Variants in SPOCK3 observed in about 807,000 individuals in gnomAD.
SPOCK3 encodes SPARC (osteonectin), cwcv and kazal like domains proteoglycan 3, also known as testican-3.
Under a neutral mutation model 56.6 loss-of-function variants are expected in SPOCK3, and 30 were observed. The ratio of observed to expected loss-of-function variants is 0.53; its 90% CI spans 0.40 to 0.72. The LOEUF (loss-of-function observed/expected upper bound fraction) is 0.72, where lower values mean the gene tolerates loss of function less well. Among genes scored for constraint, SPOCK3 ranks in the 30% least tolerant of loss-of-function variants. The pLI is 0.00. For synonymous variants in SPOCK3, 196 were observed against 183.3 expected, an observed-to-expected ratio of 1.07 and a Z score of -0.56; for missense variants, 527 against 530.0, an observed-to-expected ratio of 0.99 and a Z score of 0.06.
chr4:166,966,483 C>T (rs1011627897), intron 4 of SPOCK3, among the ~76,000 whole-genome samples: 1 of 152,054 alleles, frequency 6.6e-6, no homozygotes, highest in African/African-American at 2.4e-5. Flanking sequence ...TTTATGCGTC[C>T]TTCTGATTTC....
At chr4:167,172,286 T>C (rs1730571968) in intron 2 of SPOCK3, among the ~76,000 whole-genome samples, 2 of 152,196 alleles carry the variant, frequency 1.3e-5, no homozygotes, top group Non-Finnish European at 2.9e-5. Context: ...TTTTACAAAC[T>C]TCATTGACTT....
intron 4 of SPOCK3, among the ~76,000 whole-genome samples, chr4:166,949,240 T>C (rs565048292): frequency 6.6e-6 from 1 of 152,310 alleles, no homozygotes; most frequent in Admixed American, 6.5e-5. Flanking sequence ...AGTTATACAT[T>C]CGTCTAAATT....
chr4:167,166,244 GA>G (rs900111156), intron 2 of SPOCK3, among the ~76,000 whole-genome samples: 3 of 151,772 alleles, frequency 2.0e-5, no homozygotes, highest in South Asian at 2.1e-4. Flanking sequence ...GAACATTGCA[GA>G]AAAAAAATCT....
chr4:167,223,260 G>GTATATATTCATTTATAAATATGTATT (rs1298900937), intron 2 of SPOCK3, among the ~76,000 whole-genome samples: 5 of 138,818 alleles, frequency 3.6e-5, no homozygotes, highest in Non-Finnish European at 6.1e-5. Context: ...ATAAATATAT[G>GTATATATTCATTTATAAATATGTATT]TATATATTCA....
intron 4 of SPOCK3, among the ~76,000 whole-genome samples, chr4:166,961,287 A>G (rs1011481625): frequency 6.6e-6 from 1 of 152,036 alleles, no homozygotes; most frequent in African/African-American, 2.4e-5. Context: ...ACATGAGTGC[A>G]TAGAATACAT....
intron 6 of SPOCK3, among the ~76,000 whole-genome samples, chr4:166,799,758 C>A (rs1742341898): frequency 1.3e-5 from 2 of 151,882 alleles, no homozygotes; most frequent in Non-Finnish European, 2.9e-5. Flanking sequence ...GGAACTGAAG[C>A]AGGAACACAT....
intron 5 of SPOCK3, among the ~76,000 whole-genome samples, chr4:166,894,000 T>C (rs775378935): frequency 1.3e-5 from 2 of 152,122 alleles, no homozygotes; most frequent in Non-Finnish European, 2.9e-5. Flanking sequence ...CATTTGTTCA[T>C]TCAATCAGGA....
chr4:166,856,780 T>TTATCTGTC (rs143752495), intron 6 of SPOCK3, among the ~76,000 whole-genome samples: 1 of 149,270 alleles, frequency 6.7e-6, no homozygotes, highest in East Asian at 2.0e-4. Flanking sequence ...CTCAAAAAAA[T>TTATCTGTC]TATCTATCTA....
chr4:167,089,990 T>C (rs2150307742), intron 2 of SPOCK3, among the ~76,000 whole-genome samples: 1 of 152,336 alleles, frequency 6.6e-6, no homozygotes, highest in Non-Finnish European at 1.5e-5. Context: ...TAATATTCCA[T>C]TGTCTGTATG....
chr4:166,897,307 G>A (rs1354699599), intron 5 of SPOCK3, among the ~76,000 whole-genome samples: 2 of 152,080 alleles, frequency 1.3e-5, no homozygotes, highest in Non-Finnish European at 2.9e-5. Context: ...CAGAGACACT[G>A]GCAGCCTTTT....
chr4:167,176,316 A>AC (rs1344398009), intron 2 of SPOCK3, among the ~76,000 whole-genome samples: 2 of 152,126 alleles, frequency 1.3e-5, no homozygotes, highest in Non-Finnish European at 2.9e-5. Flanking sequence ...TCTTTGGGGA[A>AC]CCATTTTTCT....
intron 2 of SPOCK3, among the ~76,000 whole-genome samples, chr4:167,216,194 A>G (rs542246588): frequency 7.7e-4 from 117 of 152,130 alleles, no homozygotes; most frequent in Non-Finnish European, 1.2e-3. Flanking sequence ...TAACGTGACT[A>G]TACATATATA....
chr4:167,010,823 G>C (rs1749969921), intron 3 of SPOCK3, among the ~76,000 whole-genome samples: 1 of 152,152 alleles, frequency 6.6e-6, no homozygotes, highest in Non-Finnish European at 1.5e-5. Flanking sequence ...TTTCCAGTGG[G>C]GGGGAGATAA....
intron 3 of SPOCK3, among the ~76,000 whole-genome samples, chr4:167,058,440 C>A (rs1247066292): frequency 1.3e-5 from 2 of 152,080 alleles, no homozygotes; most frequent in African/African-American, 2.4e-5. Flanking sequence ...ATCCAACTTA[C>A]AAGGGATGTG....
chr4:167,014,110 C>G (rs1487412336), intron 3 of SPOCK3, among the ~76,000 whole-genome samples: 2 of 152,120 alleles, frequency 1.3e-5, no homozygotes, highest in Non-Finnish European at 2.9e-5. Flanking sequence ...TTGTAACGTG[C>G]CCTGCACTTC....
chr4:166,942,338 G>T (rs1425872651), intron 4 of SPOCK3, among the ~76,000 whole-genome samples: 4 of 151,862 alleles, frequency 2.6e-5, no homozygotes, highest in Non-Finnish European at 5.9e-5. Flanking sequence ...AGCCTCCCAA[G>T]TAGCTGGGAC....
intron 3 of SPOCK3, among the ~76,000 whole-genome samples, chr4:167,045,038 A>G (rs1753590357): frequency 6.6e-6 from 1 of 152,132 alleles, no homozygotes; most frequent in East Asian, 1.9e-4. Context: ...AGTGAATTCA[A>G]CTATTTTTCC....
chr4:167,105,567 G>GA (rs75384937), intron 2 of SPOCK3, among the ~76,000 whole-genome samples: 85 of 140,688 alleles, frequency 6.0e-4, no homozygotes, highest in Admixed American at 2.5e-3. Flanking sequence ...AAGCAACCAG[G>GA]AAAAAAAAAA....
intron 3 of SPOCK3, among the ~76,000 whole-genome samples, chr4:167,050,047 T>C (rs557606494): frequency 6.6e-6 from 1 of 152,356 alleles, no homozygotes; most frequent in Non-Finnish European, 1.5e-5. Context: ...AAGTGTCTTC[T>C]ATAAAATACT....
Sources: allele counts gnomAD v4.1 joint callset (sites outside exome capture counted in the v4.1 genomes callset), GRCh38; gene constraint gnomAD v4.1.1; transcripts MANE v1.5; gene names NCBI Gene and HGNC (gene_info 2026-07-23, HGNC 2026-07-21).